The following DRAM2 variants were observed in gnomAD, a reference collection of about 807,000 sequenced individuals.
DRAM2 encodes the protein DNA damage regulated autophagy modulator 2.
A neutral mutation model predicts 33.5 loss-of-function variants in DRAM2; 26 were observed. That is an observed-to-expected ratio of 0.78 (90% CI 0.57 to 1.08). DRAM2 has a LOEUF of 1.08. Among genes scored for constraint, DRAM2 ranks in the 50% least tolerant of loss-of-function variants. DRAM2 has a pLI of 0.00. For missense variants in DRAM2, 311 were observed against 318.1 expected, an observed-to-expected ratio of 0.98 and a Z score of 0.17; for synonymous variants, 98 against 109.5, an observed-to-expected ratio of 0.89 and a Z score of 0.66.
intron 3 of DRAM2, among the ~76,000 whole-genome samples, chr1:111,133,123 T>A (rs553411865): frequency 6.6e-6 from 1 of 152,096 alleles, no homozygotes; most frequent in Admixed American, 6.5e-5. Flanking sequence ...ATACCCTTAG[T>A]CTTTGCTCCT....
In DRAM2 at chr1:111,138,558, G is replaced by C. The variant is rs1419746104; in HGVS notation, c.-79+943C>G. On this transcript the variant is annotated intron_variant, in intron 2 of 9. Coordinates refer to ENST00000484310, the MANE Select transcript of DRAM2 (RefSeq NM_001349884.2). ...CCCAGCACTTTGGGAGGCCCAGGCGGGCGGATCACGAGGTCAGGAGATTGA... is the reference window on the plus strand; with the variant it reads ...CCCAGCACTTTGGGAGGCCCAGGCGCGCGGATCACGAGGTCAGGAGATTGA... 3.3e-5 allele frequency among the ~76,000 whole-genome samples: 5 copies of C among 152,244 alleles called. No individual in the cohort carries two copies. In the East Asian group the frequency reaches 9.6e-4, roughly 29 times the overall value.
chr1:111,118,145 T>A lies in DRAM2; in HGVS notation c.*15A>T. The A allele has an allele frequency of 6.2e-7, 1 of 1,605,104 alleles. No homozygotes were observed. Among genetic ancestry groups the A allele is most frequent in the South Asian group, 1.1e-5 (1 of 90,896 alleles). On this transcript the variant is annotated 3_prime_UTR_variant, in exon 10 of 10. Transcript: ENST00000484310. Reference sequence around the variant, plus strand: ...CTGAGAATCATAATCATTACAGAAATATTTTATCCTTTCATCAAATATCTC... The same window carrying A: ...CTGAGAATCATAATCATTACAGAAAAATTTTATCCTTTCATCAAATATCTC...
At chr1:111,124,681 C>T in intron 6 of DRAM2, 61 bp downstream of exon 6, 1 of 1,551,966 alleles carries the variant, frequency 6.4e-7, no homozygotes, top group Non-Finnish European at 8.7e-7. Context: ...TTCAGGTTTC[C>T]CTTTTAATAT....
At position 111,133,283 on chromosome 1, in the gene DRAM2, T is replaced by C. The variant is rs186535547; in HGVS notation, c.-14-1715A>G. The stretch of plus-strand genomic sequence containing the variant: ...ACCTCAGCCTCCCAGGTTCAAGAGA[T>C]TCTCCTGCCTCAGCCTCCTGAGTAG... On this transcript the variant is annotated intron_variant, in intron 3 of 9. Coordinates refer to ENST00000484310, the MANE Select transcript of DRAM2 (RefSeq NM_001349884.2). Among the ~76,000 whole-genome samples the C allele has an allele frequency of 2.9e-3, 445 of 151,724 alleles. 2 individuals are homozygous for C. Among genetic ancestry groups the C allele is most frequent in the African/African-American group, 1.0e-2 (412 of 41,336 alleles).
chr1:111,126,141 T>C (rs1352587050), intron 5 of DRAM2, 86 bp downstream of exon 5: 2 of 826,068 alleles, frequency 2.4e-6, no homozygotes, highest in East Asian at 2.4e-5. Context: ...AACTAGAAAG[T>C]AAAACAAGTA....
At chr1:111,130,502 A>G (rs941465555) in intron 4 of DRAM2, among the ~76,000 whole-genome samples, 1 of 152,140 alleles carries the variant, frequency 6.6e-6, no homozygotes, top group African/African-American at 2.4e-5. Context: ...TCAGAAGTTC[A>G]AGACTAGCCT....
At chr1:111,135,630 CCTT>C (rs1431908522) in intron 3 of DRAM2, among the ~76,000 whole-genome samples, 4 of 152,162 alleles carry the variant, frequency 2.6e-5, no homozygotes, top group African/African-American at 9.7e-5. Flanking sequence ...ATGTCTAAAT[CCTT>C]CTTTTTCTTC....
intron 4 of DRAM2, among the ~76,000 whole-genome samples, chr1:111,131,126 A>G (rs1651996979): frequency 6.6e-6 from 1 of 152,176 alleles, no homozygotes. Context: ...TTTAATTTTA[A>G]GCGGCGAATA....
intron 3 of DRAM2, among the ~76,000 whole-genome samples, chr1:111,136,743 C>T (rs1653258042): frequency 1.3e-5 from 2 of 152,192 alleles, no homozygotes; most frequent in South Asian, 4.1e-4. Context: ...GTCACACTAC[C>T]CACATTTCAA....
At chr1:111,136,845 G>A (rs1162338758) in intron 3 of DRAM2, among the ~76,000 whole-genome samples, 1 of 151,884 alleles carries the variant, frequency 6.6e-6, no homozygotes, top group African/African-American at 2.4e-5. Context: ...GTGATGGCAG[G>A]CGCCTGTAGT....
intron 3 of DRAM2, among the ~76,000 whole-genome samples, chr1:111,136,366 A>G (rs769689506): frequency 3.9e-5 from 6 of 152,084 alleles, no homozygotes; most frequent in Non-Finnish European, 7.4e-5. Flanking sequence ...GAGTTCTGAG[A>G]CCAGCCTGGC....
At chr1:111,118,698 A>G in intron 9 of DRAM2, 107 bp downstream of exon 9, 1 of 725,028 alleles carries the variant, frequency 1.4e-6, no homozygotes. Flanking sequence ...CAAACAGTTA[A>G]TTTTCAAAAA....
intron 9 of DRAM2, 72 bp downstream of exon 9, chr1:111,118,733 T>G (rs1248692914): frequency 2.5e-6 from 3 of 1,186,014 alleles, no homozygotes; most frequent in Non-Finnish European, 3.5e-6. Context: ...CTATGGAAAG[T>G]TCTCTTAGTC....
intron 3 of DRAM2, among the ~76,000 whole-genome samples, chr1:111,135,534 G>A (rs1652983114): frequency 6.6e-6 from 1 of 152,198 alleles, no homozygotes; most frequent in Non-Finnish European, 1.5e-5. Flanking sequence ...AATTTATTCA[G>A]CATTTAGGTG....
At position 111,120,501 on chromosome 1, in the gene DRAM2, T is replaced by C; in HGVS notation, c.517+15A>G. On this transcript the variant is annotated intron_variant, in intron 7 of 9. Transcript: ENST00000484310. ...TTCCTTTCCAAGTGTAGCCACATTG[T>C]ACAGTGAAGGATACTGCTAAGTGCA... 6.5e-7 allele frequency: 1 copy of C among 1,550,008 alleles called. No homozygotes were observed. Among genetic ancestry groups the C allele is most frequent in the African/African-American group, 1.4e-5 (1 of 72,096 alleles).
intron 5 of DRAM2, 98 bp downstream of exon 5, chr1:111,126,129 A>G (rs1337533843): frequency 8.0e-6 from 6 of 751,926 alleles, no homozygotes; most frequent in Non-Finnish European, 1.4e-5. Context: ...ACTCTCAAGT[A>G]TAACTAGAAA....
chr1:111,118,032 G>A lies in DRAM2; in HGVS notation c.*128C>T. 3 of 770,888 alleles carry A rather than the reference G, an allele frequency of 3.9e-6. No homozygotes were observed. The South Asian group carries it at 4.6e-5, about 12-fold the overall frequency. 47.8% of individuals were successfully genotyped at this position (770,888 alleles called of 1,614,324 possible). On this transcript the variant is annotated 3_prime_UTR_variant, in exon 10 of 10. Transcript: ENST00000484310. ...CTTCTTTCATGTTTCCTGATTATCA[G>A]CATTCATCAGTGTTACTGTCAGCCT...
chr1:111,137,608 TAAG>T (rs954853926), intron 2 of DRAM2, 22 bp from the exon 3 acceptor site: 5 of 152,028 alleles, frequency 3.3e-5, no homozygotes, highest in East Asian at 1.9e-4. Context: ...ACAAAGAAAA[TAAG>T]AAGTTTTTCT....
chr1:111,126,127 G>T, intron 5 of DRAM2, 100 bp downstream of exon 5: 1 of 743,124 alleles, frequency 1.3e-6, no homozygotes, highest in South Asian at 1.7e-5. Flanking sequence ...ATACTCTCAA[G>T]TATAACTAGA....
Sources: gnomAD v4.1 joint callset for allele counts (sites outside exome capture counted in the v4.1 genomes callset) on GRCh38, gnomAD v4.1.1 for gene constraint, MANE v1.5 for transcripts, NCBI Gene and HGNC (gene_info 2026-07-23, HGNC 2026-07-21) for gene names.